HMCN1: variants seen among roughly 807,000 people sequenced by gnomAD.
HMCN1 encodes the protein hemicentin-1.
In HMCN1, 321 loss-of-function variants were observed where a neutral mutation model predicts 625.9. The ratio of observed to expected loss-of-function variants is 0.51; its 90% CI spans 0.47 to 0.56. The LOEUF (loss-of-function observed/expected upper bound fraction) is 0.56. Ranked by LOEUF, HMCN1 falls within the 20% of genes least tolerant of loss-of-function variation. The pLI, the probability that HMCN1 is intolerant of heterozygous loss-of-function variation, is 0.00. For synonymous variants in HMCN1, 2,425 were observed against 2,417.6 expected (o/e 1.00, Z -0.09); for missense variants, 6,588 against 6,887.3 (o/e 0.96, Z 1.54).
chr1:185,773,424 T>A (rs1383973152), intron 1 of HMCN1, among the ~76,000 whole-genome samples: 1 of 152,184 alleles, frequency 6.6e-6, no homozygotes, highest in Admixed American at 6.5e-5. Context: ...TTTGTAAAGT[T>A]TTTCTCTTAA....
Position 186,153,886 on chromosome 1 carries a change from T to C in HMCN1, c.15155T>C (p.Met5052Thr). 6.2e-7 allele frequency: 1 copy of C among 1,614,190 alleles called. No homozygotes were observed. Among genetic ancestry groups the C allele is most frequent in the African/African-American group, 1.3e-5 (1 of 75,060 alleles). The change falls in exon 97 of 107, where the codon ATG becomes ACG. Residue 5052 changes from methionine (M) to threonine (T), a missense_variant. This residue lies in a region of HMCN1 where 1,954 missense variants were observed against 2,013.1 expected (regional missense o/e 0.97). Coordinates refer to ENST00000271588, the MANE Select transcript of HMCN1 (RefSeq NM_031935.3). Reference sequence around the variant, plus strand: ...TTCTATGATCAGGCACAGGGAAGAATGCCTTTCTTGGTTGAAACACTTCAT... The same window carrying C: ...TTCTATGATCAGGCACAGGGAAGAACGCCTTTCTTGGTTGAAACACTTCAT... Reference protein sequence around the residue: ...TVFYDQAQGRMPFLVETLHAS... With the variant: ...TVFYDQAQGRTPFLVETLHAS...
chr1:185,812,807 C>G (rs1357338045), intron 1 of HMCN1, among the ~76,000 whole-genome samples: 2 of 135,852 alleles, frequency 1.5e-5, no homozygotes, highest in South Asian at 2.1e-4. Flanking sequence ...AATCCCCCCC[C>G]ACACACATTC....
intron 93 of HMCN1, among the ~76,000 whole-genome samples, chr1:186,150,800 A>G (rs2102572383): frequency 6.6e-6 from 1 of 152,098 alleles, no homozygotes; most frequent in East Asian, 1.9e-4. Flanking sequence ...GCTACCTTAT[A>G]GAATTGTTGA....
At chr1:186,016,808 A>C (rs1021408347) in intron 32 of HMCN1, among the ~76,000 whole-genome samples, 155 bp from the exon 33 acceptor site, 1 of 152,106 alleles carries the variant, frequency 6.6e-6, no homozygotes, top group Admixed American at 6.6e-5. Context: ...GCTTTATTGT[A>C]AAATGTATTT....
chr1:185,797,965 CAAAAAAAAAAAAA>C (rs35031310), intron 1 of HMCN1, among the ~76,000 whole-genome samples: 24 of 13,662 alleles, frequency 1.8e-3, no homozygotes, highest in Non-Finnish European at 1.7e-3. Flanking sequence ...GACTCCGTCT[CAAAAAAAAAAAAA>C]AAAAAAAAAA....
At chr1:185,877,321 CTTTTTTT>C (rs71557837) in intron 4 of HMCN1, among the ~76,000 whole-genome samples, 72 of 34,914 alleles carry the variant, frequency 2.1e-3, no homozygotes, top group Non-Finnish European at 3.7e-3. Flanking sequence ...ATGTGTCTTT[CTTTTTTT>C]TTTTTTTTTT....
Position 186,078,306 on chromosome 1 carries a change from CT to C in HMCN1, c.8599+90del, listed in dbSNP as rs1209453021. Reference sequence around the variant, plus strand: ...TGTTTGCAGGATGTTACACTAAGCGCTTTTGAGACTATAAAGATAACCAGAA... The same window carrying C: ...TGTTTGCAGGATGTTACACTAAGCGCTTTGAGACTATAAAGATAACCAGAA... On this transcript the variant is annotated intron_variant, in intron 55 of 106. Coordinates refer to ENST00000271588, the MANE Select transcript of HMCN1 (RefSeq NM_031935.3). The C allele has an allele frequency of 1.3e-5, 12 of 900,476 alleles. No individual in the cohort carries two copies. The East Asian group carries it at 3.1e-4, about 24-fold the overall frequency. The allele number at this position is 900,476 out of a possible 1,614,324, so 55.8% of individuals were successfully genotyped here.
rs749295359 is a variant in HMCN1 at position 185,933,705 on chromosome 1, C to A, written c.1709C>A (p.Thr570Asn). 59 of 1,613,870 alleles carry A rather than the reference C, an allele frequency of 3.7e-5. No homozygotes were observed. The highest frequency in any genetic ancestry group is 4.2e-5 in the Non-Finnish European group (50 of 1,179,932). The change falls in exon 11 of 107, where the codon ACC (threonine) becomes AAC (asparagine). Residue 570 changes from threonine (T) to asparagine (N), a missense_variant. Physicochemically the swap from Thr to Asn is moderately conservative, Grantham distance 65 (BLOSUM62 0). This residue lies in a region of HMCN1 where 4,628 missense variants were observed against 4,853.1 expected (regional missense o/e 0.95). Coordinates refer to ENST00000271588, the MANE Select transcript of HMCN1 (RefSeq NM_031935.3). Reference sequence around the variant, plus strand: ...CTGGCAGAGCCAGCGAGAATTAGGACCTTGGCTAATCTGTCATTGGAGCTA... The same window carrying A: ...CTGGCAGAGCCAGCGAGAATTAGGAACTTGGCTAATCTGTCATTGGAGCTA... ...VRLAEPARIRTLANLSLELKS... is the reference protein window; with the variant it reads ...VRLAEPARIRNLANLSLELKS...
chr1:185,911,656 TTA>T lies in HMCN1; in HGVS notation c.794-16_794-15del, dbSNP rs1666427248. ...GAGAGAAGGATTGTGCTTGTTACCT[TTA>T]TGTTCTGTCTTTCAGGGAAGCTGAT... On this transcript the variant is annotated splice_polypyrimidine_tract_variant and intron_variant, in intron 5 of 106. Transcript: ENST00000271588. 9 of 1,540,746 alleles carry T rather than the reference TTA, an allele frequency of 5.8e-6. No homozygotes were observed. The highest frequency in any genetic ancestry group is 6.3e-6 in the Non-Finnish European group (7 of 1,113,526).
intron 46 of HMCN1, among the ~76,000 whole-genome samples, chr1:186,061,481 A>G (rs1657694627): frequency 6.6e-6 from 1 of 152,152 alleles, no homozygotes; most frequent in South Asian, 2.1e-4. Flanking sequence ...TATGGGGATT[A>G]CAATTCGAGA....
At chr1:185,975,993 C>T (rs992319664) in intron 15 of HMCN1, among the ~76,000 whole-genome samples, 9 of 151,978 alleles carry the variant, frequency 5.9e-5, no homozygotes, top group African/African-American at 2.2e-4. Context: ...ATGAATAATG[C>T]CCAAAGTACT....
At position 185,734,764 on chromosome 1, in the gene HMCN1, G is replaced by C; in HGVS notation, c.-16G>C. On this transcript the variant is annotated 5_prime_UTR_variant, in exon 1 of 107. Transcript: ENST00000271588. ...CTTAGGCGCTGAGGGGGAAAAAGAG[G>C]GGGAAAAAAAAGAAAATGATTTCCT... The C allele has an allele frequency of 6.2e-7, 1 of 1,613,826 alleles. No homozygotes were observed. Among genetic ancestry groups the C allele is most frequent in the Non-Finnish European group, 8.5e-7 (1 of 1,179,886 alleles).
At chr1:186,180,871 G>T (rs1652888949) in intron 104 of HMCN1, among the ~76,000 whole-genome samples, 1 of 146,858 alleles carries the variant, frequency 6.8e-6, no homozygotes, top group Non-Finnish European at 1.5e-5. Context: ...CTACAGCTTT[G>T]GTATTACACA....
chr1:185,744,723 G>A (rs189338229), intron 1 of HMCN1, among the ~76,000 whole-genome samples: 246 of 152,308 alleles, frequency 1.6e-3, no homozygotes, highest in African/African-American at 5.7e-3. Context: ...AAGGTTTTCT[G>A]GAATAATTGT....
chr1:185,856,411 G>C (rs543000859), intron 2 of HMCN1, among the ~76,000 whole-genome samples: 2 of 151,394 alleles, frequency 1.3e-5, no homozygotes, highest in Admixed American at 1.3e-4. Context: ...AATCTCTTGA[G>C]CACCAGAGGT....
At chr1:185,941,993 A>G (rs1310019531) in intron 11 of HMCN1, among the ~76,000 whole-genome samples, 1 of 151,980 alleles carries the variant, frequency 6.6e-6, no homozygotes, top group Non-Finnish European at 1.5e-5. Flanking sequence ...GGAGTTCGAG[A>G]CCAGCCTGAC....
chr1:186,189,965 T>C lies in HMCN1; in HGVS notation c.*87T>C, dbSNP rs1274177624. On this transcript the variant is annotated 3_prime_UTR_variant, in exon 107 of 107. Transcript: ENST00000271588. The stretch of plus-strand genomic sequence containing the variant: ...TTCCAGATTACTGTCTCTTGAACAG[T>C]TGCAATCTTGGCAGCTTGAAAATGG... 1.3e-5 allele frequency: 19 copies of C among 1,478,916 alleles called. No individual in the cohort carries two copies. Among genetic ancestry groups the C allele is most frequent in the Non-Finnish European group, 1.7e-5 (18 of 1,068,444 alleles). The allele number at this position is 1,478,916 out of a possible 1,614,324, so 91.6% of individuals were successfully genotyped here.
At chr1:185,828,301 A>G (rs1052540651) in intron 1 of HMCN1, among the ~76,000 whole-genome samples, 8 of 152,170 alleles carry the variant, frequency 5.3e-5, no homozygotes, top group African/African-American at 1.7e-4. Flanking sequence ...TGTATTTTAA[A>G]TGCAAATTTA....
At chr1:186,076,063 A>G (rs185581487) in intron 53 of HMCN1, among the ~76,000 whole-genome samples, 201 of 152,238 alleles carry the variant, frequency 1.3e-3, no homozygotes, top group African/African-American at 4.4e-3. Context: ...AATGCTCTCA[A>G]TTGAACCAGT....
Sources: gnomAD v4.1 joint callset for allele counts (sites outside exome capture counted in the v4.1 genomes callset) on GRCh38, gnomAD v4.1.1 for gene constraint, gnomAD v4.1.1 regional missense constraint, MANE v1.5 for transcripts, NCBI Gene and HGNC (gene_info 2026-07-23, HGNC 2026-07-21) for gene names.